The following NAV2 variants were observed in gnomAD, a reference collection of about 807,000 sequenced individuals.
The protein encoded by NAV2 is helicase, APC down-regulated 1.
Under a neutral mutation model 223.2 loss-of-function variants are expected in NAV2, and 54 were observed. The ratio of observed to expected loss-of-function variants is 0.24; its 90% CI spans 0.19 to 0.30. The LOEUF is 0.30. Among genes scored for constraint, NAV2 ranks in the 10% least tolerant of loss-of-function variants. The pLI, the probability that NAV2 is intolerant of heterozygous loss-of-function variation, is 1.00. For synonymous variants in NAV2, 1,279 were observed against 1,239.3 expected (o/e 1.03, Z -0.67); for missense variants, 2,806 against 3,147.5 (o/e 0.89, Z 2.60).
chr11:20,033,556 G>T lies in NAV2; in HGVS notation c.2769-2403G>T, dbSNP rs77777006. ...AAGTGTGCAGAGTTCCAGAGCTGCT[G>T]GACCCTTGTGGATTCATTCACAATA... On this transcript the variant is annotated intron_variant, in intron 11 of 37. Coordinates refer to ENST00000349880, the MANE Select transcript of NAV2 (RefSeq NM_145117.5). Among the ~76,000 whole-genome samples, 1,186 of 152,240 alleles carry T rather than the reference G, an allele frequency of 7.8e-3. 13 individuals are homozygous for T. Among genetic ancestry groups the T allele is most frequent in the African/African-American group, 0.027 (1,133 of 41,536 alleles).
intron 1 of NAV2, among the ~76,000 whole-genome samples, chr11:19,634,775 T>C (rs913623311): frequency 2.0e-5 from 3 of 152,160 alleles, no homozygotes; most frequent in African/African-American, 7.2e-5. Context: ...TCTGGGGCAC[T>C]GCAGAGATGA....
At chr11:19,623,261 A>T (rs2047062594) in intron 1 of NAV2, among the ~76,000 whole-genome samples, 1 of 152,128 alleles carries the variant, frequency 6.6e-6, no homozygotes, top group Non-Finnish European at 1.5e-5. Flanking sequence ...GCTCTTCTAG[A>T]GGAGTATCTT....
chr11:19,355,729 C>T (rs1007200964), intron 1 of NAV2, among the ~76,000 whole-genome samples: 1 of 152,126 alleles, frequency 6.6e-6, no homozygotes, highest in Non-Finnish European at 1.5e-5. Flanking sequence ...TTCAGTCCTG[C>T]ATGGTAACTG....
At chr11:20,013,970 A>G (rs1431271160) in intron 11 of NAV2, among the ~76,000 whole-genome samples, 1 of 152,252 alleles carries the variant, frequency 6.6e-6, no homozygotes, top group East Asian at 1.9e-4. Flanking sequence ...CTCAGCCCCA[A>G]GCTTCTGTTC....
intron 10 of NAV2, among the ~76,000 whole-genome samples, chr11:19,962,046 C>T (rs2048386381): frequency 6.6e-6 from 1 of 151,690 alleles, no homozygotes; most frequent in Non-Finnish European, 1.5e-5. Flanking sequence ...GCCCTCGTTG[C>T]AGGCCAAGAG....
At chr11:19,866,974 G>A (rs185772720) in intron 3 of NAV2, among the ~76,000 whole-genome samples, 3 of 152,218 alleles carry the variant, frequency 2.0e-5, no homozygotes, top group Non-Finnish European at 4.4e-5. Context: ...GCAAGCAGTA[G>A]AAGAGAGATT....
At chr11:19,442,297 T>A (rs1168803051) in intron 1 of NAV2, among the ~76,000 whole-genome samples, 1 of 152,236 alleles carries the variant, frequency 6.6e-6, no homozygotes, top group Non-Finnish European at 1.5e-5. Context: ...CATTCCTATT[T>A]CCCCTGCTCA....
intron 1 of NAV2, among the ~76,000 whole-genome samples, chr11:19,774,731 A>C (rs1339764438): frequency 6.6e-6 from 1 of 152,154 alleles, no homozygotes; most frequent in African/African-American, 2.4e-5. Flanking sequence ...AATGAGCTAG[A>C]ATACCTATGA....
At chr11:19,898,547 T>G (rs2042186440) in intron 6 of NAV2, among the ~76,000 whole-genome samples, 1 of 152,236 alleles carries the variant, frequency 6.6e-6, no homozygotes, top group South Asian at 2.1e-4. Context: ...AATAGTCACA[T>G]AATATTCCAT....
At chr11:19,984,055 G>T in intron 10 of NAV2, 70 bp from the exon 11 acceptor site, 1 of 1,605,130 alleles carries the variant, frequency 6.2e-7, no homozygotes, top group Non-Finnish European at 8.5e-7. Flanking sequence ...CAGGCTTCTG[G>T]ATATGAATGC....
chr11:20,118,340 C>G lies in NAV2; in HGVS notation c.*82C>G. Reference sequence around the variant, plus strand: ...CCCACATCACCCTGAAGATGACTTCCTGAGCCAGCCCCCAGCCACAGCCTT... The same window carrying G: ...CCCACATCACCCTGAAGATGACTTCGTGAGCCAGCCCCCAGCCACAGCCTT... On this transcript the variant is annotated 3_prime_UTR_variant, in exon 38 of 38. Coordinates refer to ENST00000349880, the MANE Select transcript of NAV2 (RefSeq NM_145117.5). 6.6e-7 allele frequency: 1 copy of G among 1,505,812 alleles called. No homozygotes were observed. The highest frequency in any genetic ancestry group is 9.1e-7 in the Non-Finnish European group (1 of 1,103,316). 93.3% of individuals were successfully genotyped at this position (1,505,812 alleles called of 1,614,324 possible).
At chr11:19,392,390 T>TTC (rs2133227150) in intron 1 of NAV2, among the ~76,000 whole-genome samples, 1 of 151,878 alleles carries the variant, frequency 6.6e-6, no homozygotes, top group Non-Finnish European at 1.5e-5. Flanking sequence ...GTGATTTTTT[T>TTC]TTTTCTGCTT....
intron 6 of NAV2, among the ~76,000 whole-genome samples, chr11:19,912,464 AGAATGCCTGACGCCCC>A (rs1336219438): frequency 6.6e-6 from 1 of 152,234 alleles, no homozygotes; most frequent in Non-Finnish European, 1.5e-5. Context: ...GTAATATTTT[AGAATGCCTGACGCCCC>A]TTACCCAGCC....
intron 10 of NAV2, 122 bp downstream of exon 10, chr11:19,949,202 G>A: frequency 9.1e-7 from 1 of 1,102,758 alleles, no homozygotes; most frequent in Non-Finnish European, 1.3e-6. Flanking sequence ...AGTTTCTGCT[G>A]TCCATATCAA....
At chr11:19,940,081 C>A (rs759125120) in intron 8 of NAV2, among the ~76,000 whole-genome samples, 1 of 152,058 alleles carries the variant, frequency 6.6e-6, no homozygotes, top group Non-Finnish European at 1.5e-5. Flanking sequence ...TGCACTGATA[C>A]TTAACTTTGA....
intron 1 of NAV2, among the ~76,000 whole-genome samples, chr11:19,354,644 C>T (rs1314538738): frequency 3.3e-5 from 5 of 152,220 alleles, no homozygotes; most frequent in African/African-American, 1.2e-4. Context: ...TTAAAGTTTA[C>T]AAATCAATGA....
At chr11:19,799,451 T>A (rs1041701839) in intron 1 of NAV2, among the ~76,000 whole-genome samples, 5 of 152,074 alleles carry the variant, frequency 3.3e-5, no homozygotes, top group African/African-American at 1.2e-4. Context: ...TGGATCTTAG[T>A]GTGGGCAGAT....
At chr11:19,818,605 A>G (rs895418496) in intron 1 of NAV2, among the ~76,000 whole-genome samples, 1 of 152,232 alleles carries the variant, frequency 6.6e-6, no homozygotes, top group African/African-American at 2.4e-5. Context: ...GTAGTTAACA[A>G]TCAGCTCCAA....
At chr11:19,715,803 C>T (rs1049214560) in intron 1 of NAV2, among the ~76,000 whole-genome samples, 37 of 152,306 alleles carry the variant, frequency 2.4e-4, no homozygotes, top group African/African-American at 7.2e-4. Context: ...TTTCACCTCT[C>T]TCGCCCTCAA....
Sources: gnomAD v4.1 joint callset for allele counts (sites outside exome capture counted in the v4.1 genomes callset) on GRCh38, gnomAD v4.1.1 for gene constraint, MANE v1.5 for transcripts, NCBI Gene and HGNC (gene_info 2026-07-23, HGNC 2026-07-21) for gene names.